The following RDX variants were observed in gnomAD, a reference collection of about 807,000 sequenced individuals.
RDX encodes the protein radixin.
Under a neutral mutation model 83.7 loss-of-function variants are expected in RDX, and 32 were observed. The ratio of observed to expected loss-of-function variants is 0.38; its 90% CI spans 0.29 to 0.51. The LOEUF is 0.51. Among genes scored for constraint, RDX ranks in the 20% least tolerant of loss-of-function variants. RDX has a pLI of 0.87. For missense variants in RDX, 600 were observed against 689.9 expected (o/e 0.87, Z 1.46); for synonymous variants, 229 against 222.7 (o/e 1.03, Z -0.25).
chr11:110,276,890 T>C (rs954610190), intron 2 of RDX, among the ~76,000 whole-genome samples: 2 of 152,222 alleles, frequency 1.3e-5, no homozygotes, highest in Non-Finnish European at 2.9e-5. Flanking sequence ...AGTGAATTAA[T>C]TTATTCCACT....
chr11:110,184,078 T>C (rs1003395850), intron 15 of RDX, among the ~76,000 whole-genome samples: 2 of 152,144 alleles, frequency 1.3e-5, no homozygotes, highest in Admixed American at 6.5e-5. Context: ...GTGTGCAAGA[T>C]ACAGATACTG....
At position 110,272,774 on chromosome 11, in the gene RDX, TA is replaced by T. The variant is rs1366297870; in HGVS notation, c.13-156del. 38 of 630,980 alleles carry T rather than the reference TA, an allele frequency of 6.0e-5. No individual in the cohort carries two copies. The Middle Eastern group carries it at 1.8e-3, about 30-fold the overall frequency. 39.1% of individuals were successfully genotyped at this position (630,980 alleles called of 1,614,324 possible). ...ACAAAGAGCTTATAAAGTCCTCATTTAGGAACATCTATTGAATACTTAACAT... is the reference window on the plus strand; with the variant it reads ...ACAAAGAGCTTATAAAGTCCTCATTTGGAACATCTATTGAATACTTAACAT... On this transcript the variant is annotated intron_variant, in intron 2 of 13. Transcript: ENST00000645495.
chr11:110,293,054 T>C (rs1448272237), intron 1 of RDX, among the ~76,000 whole-genome samples: 1 of 152,242 alleles, frequency 6.6e-6, no homozygotes, highest in Non-Finnish European at 1.5e-5. Context: ...GGGAATTCTA[T>C]TGTGTGCTTT....
chr11:110,246,891 A>G lies in RDX; in HGVS notation c.1090+812T>C, dbSNP rs556586531. Among the ~76,000 whole-genome samples the G allele has an allele frequency of 5.3e-5, 8 of 152,374 alleles. No homozygotes were observed. In the South Asian group the frequency reaches 1.7e-3, roughly 32 times the overall value. ...TCAACCTGTGTTGGCTATTTCCAACAGAACTGAATAGCTTGTTTTACCAAT... is the reference window on the plus strand; with the variant it reads ...TCAACCTGTGTTGGCTATTTCCAACGGAACTGAATAGCTTGTTTTACCAAT... On this transcript the variant is annotated intron_variant, in intron 10 of 13. Transcript: ENST00000645495.
chr11:110,293,473 G>A (rs1861325665), intron 1 of RDX, among the ~76,000 whole-genome samples: 1 of 152,102 alleles, frequency 6.6e-6, no homozygotes, highest in Non-Finnish European at 1.5e-5. Flanking sequence ...TCTAAAATAG[G>A]CTAGAAATTG....
intron 1 of RDX, among the ~76,000 whole-genome samples, chr11:110,294,160 G>C (rs568513599): frequency 6.6e-6 from 1 of 152,256 alleles, no homozygotes; most frequent in African/African-American, 2.4e-5. Context: ...TTGGGAGGCC[G>C]AGGCGGGCAG....
rs144367762 is a variant in RDX, at chr11:110,184,166, G to A, written c.*32-8932C>T. Among the ~76,000 whole-genome samples, 7 of 152,324 alleles carry A rather than the reference G, an allele frequency of 4.6e-5. No homozygotes were observed. In the East Asian group the frequency reaches 5.8e-4, roughly 13 times the overall value. On this transcript the variant is annotated intron_variant, in intron 15 of 15. Transcript: ENST00000528498. ...GATAGAACAATCTGGCGCTGGAGAC[G>A]GAGCTGATCTGAGCACTGTGGCAGC...
chr11:110,272,623 T>C lies in RDX; in HGVS notation c.13-4A>G, dbSNP rs770842915. 1.9e-6 allele frequency: 3 copies of C among 1,594,522 alleles called. No individual in the cohort carries two copies. Among genetic ancestry groups the C allele is most frequent in the East Asian group, 2.2e-5 (1 of 44,534 alleles). ...TTGTAGTTACTCTTACGTTGATCTG[T>C]AATAAAAATAAAAGGAATAATAAGT... is the stretch of plus-strand genomic sequence containing the variant. On this transcript the variant is annotated splice_region_variant and splice_polypyrimidine_tract_variant and intron_variant, in intron 2 of 13. Transcript: ENST00000645495.
At chr11:110,232,086 AT>A (rs1864661453) in intron 13 of RDX, 53 bp from the exon 14 acceptor site, 2 of 1,404,930 alleles carry the variant, frequency 1.4e-6, no homozygotes, top group South Asian at 1.2e-5. Flanking sequence ...ATTTAAAAAA[AT>A]TTATGAAAAT....
intron 14 of RDX, among the ~76,000 whole-genome samples, chr11:110,208,777 T>C (rs1863698899): frequency 6.6e-6 from 1 of 152,094 alleles, no homozygotes; most frequent in South Asian, 2.1e-4. Flanking sequence ...GCCAACATGA[T>C]GAAACCCCTT....
chr11:110,222,805 AAATGAATG>A (rs370229369), intron 14 of RDX, among the ~76,000 whole-genome samples: 1 of 152,016 alleles, frequency 6.6e-6, no homozygotes, highest in Non-Finnish European at 1.5e-5. Flanking sequence ...CAACTCAAAT[AAATGAATG>A]AATGAATGAA....
intron 3 of RDX, among the ~76,000 whole-genome samples, chr11:110,269,957 G>A (rs950249659): frequency 2.6e-5 from 4 of 152,040 alleles, no homozygotes; most frequent in African/African-American, 7.2e-5. Flanking sequence ...TGGGAGGATC[G>A]CTTGAGCCTG....
At chr11:110,189,261 AAAAAAAAGACAAGGGCATTACATAATGAC>A (rs1378812889) in intron 15 of RDX, among the ~76,000 whole-genome samples, 7 of 147,574 alleles carry the variant, frequency 4.7e-5, no homozygotes, top group African/African-American at 1.5e-4. Flanking sequence ...AAAAAAAAAA[AAAAAAAAGACAAGGGCATTACATAATGAC>A]AAAGGGATCA....
At chr11:110,283,460 C>A (rs1277952679) in intron 1 of RDX, among the ~76,000 whole-genome samples, 1 of 152,078 alleles carries the variant, frequency 6.6e-6, no homozygotes, top group African/African-American at 2.4e-5. Context: ...GCCTAAAAAA[C>A]TAATTTCTTA....
rs111434598 is a variant in RDX at position 110,274,776 on chromosome 11, A to T, written c.13-2157T>A. Among the ~76,000 whole-genome samples the T allele has an allele frequency of 8.9e-4, 136 of 152,354 alleles. 1 individual carries two copies. The highest frequency in any genetic ancestry group is 3.2e-3 in the African/African-American group (132 of 41,590). Reference sequence around the variant, plus strand: ...TTTTTGTAACTGAACTTTCACTGCTATGCAACATTCTGCATGTGGCCAAAC... The same window carrying T: ...TTTTTGTAACTGAACTTTCACTGCTTTGCAACATTCTGCATGTGGCCAAAC... On this transcript the variant is annotated intron_variant, in intron 2 of 13. Coordinates refer to ENST00000645495, the MANE Select transcript of RDX (RefSeq NM_002906.4).
chr11:110,289,094 C>G (rs1408601538), intron 1 of RDX, among the ~76,000 whole-genome samples: 1 of 151,858 alleles, frequency 6.6e-6, no homozygotes. Context: ...AAAAATTAGC[C>G]GAGCGTGGTG....
chr11:110,247,910 T>C (rs1859176689), intron 9 of RDX, 77 bp from the exon 10 acceptor site: 2 of 1,483,794 alleles, frequency 1.3e-6, no homozygotes, highest in African/African-American at 1.4e-5. Context: ...TACTCTGCCA[T>C]AAAAAGTAAC....
intron 9 of RDX, among the ~76,000 whole-genome samples, chr11:110,249,138 CTTA>C (rs1300517721): frequency 1.3e-5 from 2 of 152,180 alleles, no homozygotes; most frequent in African/African-American, 4.8e-5. Flanking sequence ...TGGGGAAACT[CTTA>C]TTATCAGACA....
At chr11:110,243,743 T>C (rs561530586) in intron 10 of RDX, among the ~76,000 whole-genome samples, 2 of 151,782 alleles carry the variant, frequency 1.3e-5, no homozygotes, top group East Asian at 3.9e-4. Context: ...ACATGCAATA[T>C]AAATGTCCAA....
Sources: allele counts gnomAD v4.1 joint callset (sites outside exome capture counted in the v4.1 genomes callset), GRCh38; gene constraint gnomAD v4.1.1; transcripts MANE v1.5; gene names NCBI Gene and HGNC (gene_info 2026-07-23, HGNC 2026-07-21).